SLC8A3: variants seen among roughly 807,000 people sequenced by gnomAD.
SLC8A3 encodes sodium/calcium exchanger 3.
In SLC8A3, 37 loss-of-function variants were observed where a neutral mutation model predicts 65.4. The observed-to-expected ratio is 0.57, with a 90% confidence interval of 0.44 to 0.74. The LOEUF is 0.74. Ranked by LOEUF, SLC8A3 falls within the 30% of genes least tolerant of loss-of-function variation. The probability of loss-of-function intolerance (pLI) is 0.00; values close to 1 mark genes in which losing one functional copy is unlikely to be tolerated. For synonymous variants in SLC8A3, 461 were observed against 444.5 expected (o/e 1.04, Z -0.47); for missense variants, 1,112 against 1,172.1 (o/e 0.95, Z 0.75).
chr14:70,090,006 C>T (rs1020596549), intron 2 of SLC8A3, among the ~76,000 whole-genome samples: 6 of 151,924 alleles, frequency 3.9e-5, no homozygotes, highest in Non-Finnish European at 7.4e-5. Context: ...TGAAGATCTG[C>T]GGGGATGTTT....
At chr14:70,184,822 G>A (rs1883049842) in intron 1 of SLC8A3, among the ~76,000 whole-genome samples, 1 of 152,138 alleles carries the variant, frequency 6.6e-6, no homozygotes, top group South Asian at 2.1e-4. Flanking sequence ...AATATTTATT[G>A]CATCAATGGC....
Position 70,045,714 on chromosome 14 carries a change from T to G in SLC8A3, c.*233A>C, listed in dbSNP as rs1200381763. The G allele has an allele frequency of 5.0e-6, 2 of 403,046 alleles. No homozygotes were observed. Among genetic ancestry groups the G allele is most frequent in the East Asian group, 3.5e-5 (1 of 28,686 alleles). The allele number at this position is 403,046 out of a possible 1,614,324, so 25.0% of individuals were successfully genotyped here. A position where few individuals can be genotyped will look rare whatever the true frequency, so the allele number is the denominator to read the frequency against. Reference sequence around the variant, plus strand: ...TGGAGGTGGATTTGTTGCTGTTGCTTGTTTGTATTCAATTAAATACTGTGT... The same window carrying G: ...TGGAGGTGGATTTGTTGCTGTTGCTGGTTTGTATTCAATTAAATACTGTGT... On this transcript the variant is annotated 3_prime_UTR_variant, in exon 7 of 7. Transcript: ENST00000356921.
intron 2 of SLC8A3, among the ~76,000 whole-genome samples, chr14:70,131,265 G>GCC (rs1894813751): frequency 6.6e-6 from 1 of 152,190 alleles, no homozygotes. Flanking sequence ...CAGAGACTGT[G>GCC]AGACATTCAG....
chr14:70,091,464 C>CTTAAAGAAA (rs1891800125), intron 2 of SLC8A3, among the ~76,000 whole-genome samples: 3 of 152,102 alleles, frequency 2.0e-5, no homozygotes, highest in African/African-American at 7.2e-5. Flanking sequence ...TATCGTATAC[C>CTTAAAGAAA]CCCTTGACTC....
chr14:70,184,077 C>A lies in SLC8A3; in HGVS notation c.-63+4302G>T, dbSNP rs1409854360. ...CTTTTATTTTCTTTTTTACCTACAA[C>A]TGTCTTGGTAAATTCTTTTTACCTC... On this transcript the variant is annotated intron_variant, in intron 1 of 6. Coordinates refer to ENST00000356921, the MANE Select transcript of SLC8A3 (RefSeq NM_182932.3). Among the ~76,000 whole-genome samples the A allele has an allele frequency of 4.6e-5, 7 of 152,268 alleles. No individual in the cohort carries two copies. In the East Asian group the frequency reaches 1.2e-3, roughly 25 times the overall value.
At chr14:70,137,720 G>T (rs1481950859) in intron 2 of SLC8A3, among the ~76,000 whole-genome samples, 1 of 150,438 alleles carries the variant, frequency 6.6e-6, no homozygotes, top group Non-Finnish European at 1.5e-5. Context: ...AAGGTTAGAT[G>T]CCAAATACAA....
intron 3 of SLC8A3, among the ~76,000 whole-genome samples, chr14:70,056,916 T>A (rs1888187159): frequency 6.6e-6 from 1 of 152,208 alleles, no homozygotes; most frequent in Admixed American, 6.5e-5. Flanking sequence ...ACACCACATT[T>A]TCATTTCTAT....
chr14:70,155,804 C>A (rs1896541219), intron 2 of SLC8A3, among the ~76,000 whole-genome samples: 1 of 152,170 alleles, frequency 6.6e-6, no homozygotes, highest in African/African-American at 2.4e-5. Context: ...CAATGAGTGC[C>A]CAATAATTTC....
intron 1 of SLC8A3, among the ~76,000 whole-genome samples, chr14:70,173,548 C>T (rs889599170): frequency 1.3e-5 from 2 of 152,220 alleles, no homozygotes; most frequent in Non-Finnish European, 2.9e-5. Context: ...GCCACCAGGA[C>T]AGACTGAGCA....
At chr14:70,134,442 C>T (rs994565212) in intron 2 of SLC8A3, among the ~76,000 whole-genome samples, 1 of 152,172 alleles carries the variant, frequency 6.6e-6, no homozygotes, top group Non-Finnish European at 1.5e-5. Context: ...CTGATCCTCT[C>T]CAGGTTTGTC....
At chr14:70,102,098 G>A (rs1475633659) in intron 2 of SLC8A3, among the ~76,000 whole-genome samples, 1 of 152,208 alleles carries the variant, frequency 6.6e-6, no homozygotes, top group African/African-American at 2.4e-5. Context: ...ACCCAACAGA[G>A]ATCTCTTCTT....
At chr14:70,180,803 T>C (rs1447677076) in intron 1 of SLC8A3, among the ~76,000 whole-genome samples, 5 of 152,196 alleles carry the variant, frequency 3.3e-5, no homozygotes, top group Non-Finnish European at 2.9e-5. Flanking sequence ...CCTAGAATAC[T>C]GCAGTGGGAG....
At chr14:70,124,836 G>C (rs969970574) in intron 2 of SLC8A3, among the ~76,000 whole-genome samples, 1 of 152,204 alleles carries the variant, frequency 6.6e-6, no homozygotes, top group African/African-American at 2.4e-5. Flanking sequence ...AGGTTTATAA[G>C]ACTATATTTG....
intron 2 of SLC8A3, among the ~76,000 whole-genome samples, chr14:70,112,657 A>T (rs1283871483): frequency 6.6e-6 from 1 of 152,196 alleles, no homozygotes; most frequent in African/African-American, 2.4e-5. Flanking sequence ...AAGTACCACC[A>T]ACTGGATGGT....
At chr14:70,079,587 A>T (rs1594949364) in intron 2 of SLC8A3, among the ~76,000 whole-genome samples, 1 of 151,862 alleles carries the variant, frequency 6.6e-6, no homozygotes, top group Non-Finnish European at 1.5e-5. Context: ...TTCTAATCAC[A>T]CCCTTTCTGC....
intron 1 of SLC8A3, among the ~76,000 whole-genome samples, chr14:70,180,786 C>A (rs753173904): frequency 6.6e-6 from 1 of 152,156 alleles, no homozygotes; most frequent in Non-Finnish European, 1.5e-5. Context: ...AGTCATTCTG[C>A]GAATGCCCTA....
At chr14:70,155,784 CA>C (rs1338333321) in intron 2 of SLC8A3, among the ~76,000 whole-genome samples, 1 of 152,236 alleles carries the variant, frequency 6.6e-6, no homozygotes, top group African/African-American at 2.4e-5. Flanking sequence ...TCATCAAAAA[CA>C]ACTTTAAACA....
intron 2 of SLC8A3, among the ~76,000 whole-genome samples, chr14:70,147,962 C>T (rs1341950065): frequency 6.6e-6 from 1 of 152,136 alleles, no homozygotes; most frequent in African/African-American, 2.4e-5. Context: ...TCCTTTATAC[C>T]CTGTACAGAC....
chr14:70,098,297 C>T (rs1438598778), intron 2 of SLC8A3, among the ~76,000 whole-genome samples: 2 of 38,422 alleles, frequency 5.2e-5, no homozygotes, highest in East Asian at 3.3e-3. Flanking sequence ...TTCTTTTTCT[C>T]ACTTTTTTTT....
Sources: allele counts gnomAD v4.1 joint callset (sites outside exome capture counted in the v4.1 genomes callset), GRCh38; gene constraint gnomAD v4.1.1; transcripts MANE v1.5; gene names NCBI Gene and HGNC (gene_info 2026-07-23, HGNC 2026-07-21).